LRMDA: variants seen among roughly 807,000 people sequenced by gnomAD.
The protein encoded by LRMDA is leucine rich melanocyte differentiation associated.
A neutral mutation model predicts 29.8 loss-of-function variants in LRMDA; 18 were observed. The ratio of observed to expected loss-of-function variants is 0.60; its 90% CI spans 0.42 to 0.90. The LOEUF (loss-of-function observed/expected upper bound fraction) is 0.90, where lower values mean the gene tolerates loss of function less well. Among genes scored for constraint, LRMDA ranks in the 40% least tolerant of loss-of-function variants. The pLI is 0.00. For synonymous variants in LRMDA, 125 were observed against 109.4 expected (o/e 1.14, Z -0.89); for missense variants, 273 against 273.9 (o/e 1.00, Z 0.02).
At chr10:76,008,319 A>G (rs1847710221) in intron 2 of LRMDA, among the ~76,000 whole-genome samples, 1 of 152,176 alleles carries the variant, frequency 6.6e-6, no homozygotes, top group African/African-American at 2.4e-5. Flanking sequence ...AAATAGCTTG[A>G]AATCATTGTT....
chr10:75,538,689 C>A (rs1189936045), intron 2 of LRMDA, among the ~76,000 whole-genome samples: 9 of 152,028 alleles, frequency 5.9e-5, no homozygotes, highest in African/African-American at 1.9e-4. Context: ...CCTTTGTTAA[C>A]TTGGGTCAGA....
chr10:75,864,244 A>G (rs1282778715), intron 2 of LRMDA, among the ~76,000 whole-genome samples: 1 of 152,232 alleles, frequency 6.6e-6, no homozygotes, highest in Non-Finnish European at 1.5e-5. Context: ...AATACCACCT[A>G]ACAAAGTTAT....
chr10:75,746,056 G>A lies in LRMDA; in HGVS notation c.132-289952G>A, dbSNP rs368168979. Among the ~76,000 whole-genome samples, 17 of 152,306 alleles carry A rather than the reference G, an allele frequency of 1.1e-4. No homozygotes were observed. The East Asian group carries it at 2.1e-3, about 19-fold the overall frequency. ...TATTTGTTTGGGAGGTTTCTGCACT[G>A]TGAAGTTACTGTGTTCAGCTTCTTT... On this transcript the variant is annotated intron_variant, in intron 2 of 6. Coordinates refer to ENST00000611255, the MANE Select transcript of LRMDA (RefSeq NM_001305581.2).
chr10:76,342,235 G>C (rs1841050733), intron 6 of LRMDA, among the ~76,000 whole-genome samples: 1 of 151,960 alleles, frequency 6.6e-6, no homozygotes, highest in Non-Finnish European at 1.5e-5. Context: ...TACATTTCAA[G>C]TCAGAGATAA....
chr10:76,120,617 A>T (rs1849768781), intron 5 of LRMDA, among the ~76,000 whole-genome samples: 1 of 152,148 alleles, frequency 6.6e-6, no homozygotes, highest in Admixed American at 6.5e-5. Context: ...AAATATTTAA[A>T]AATGGGATGA....
chr10:76,493,597 T>C (rs1304268099), intron 6 of LRMDA, among the ~76,000 whole-genome samples: 1 of 152,160 alleles, frequency 6.6e-6, no homozygotes, highest in Non-Finnish European at 1.5e-5. Context: ...CATTAACCTA[T>C]ATTTCTATCT....
chr10:75,565,831 T>C (rs1213978462), intron 2 of LRMDA, among the ~76,000 whole-genome samples: 3 of 152,184 alleles, frequency 2.0e-5, no homozygotes, highest in Non-Finnish European at 4.4e-5. Flanking sequence ...TGCCAGCACT[T>C]TGGGAGGCCA....
chr10:75,766,391 A>G (rs1291185999), intron 2 of LRMDA, among the ~76,000 whole-genome samples: 1 of 152,142 alleles, frequency 6.6e-6, no homozygotes, highest in East Asian at 1.9e-4. Context: ...AAAAAGCATT[A>G]GTTGAAGGAG....
At chr10:75,581,794 G>A (rs1840596240) in intron 2 of LRMDA, among the ~76,000 whole-genome samples, 1 of 152,034 alleles carries the variant, frequency 6.6e-6, no homozygotes, top group Non-Finnish European at 1.5e-5. Context: ...GGGGGTGGGG[G>A]GCTAGGGGAG....
intron 2 of LRMDA, among the ~76,000 whole-genome samples, chr10:75,497,021 G>A (rs1845052503): frequency 6.6e-6 from 1 of 151,400 alleles, no homozygotes; most frequent in African/African-American, 2.4e-5. Context: ...GGGATTTAGA[G>A]ATTGACAGAG....
chr10:76,267,551 T>C (rs1840021827), intron 5 of LRMDA, among the ~76,000 whole-genome samples: 1 of 152,210 alleles, frequency 6.6e-6, no homozygotes. Context: ...GTCTGCTTCA[T>C]GTAAGTGGAA....
intron 2 of LRMDA, among the ~76,000 whole-genome samples, chr10:75,579,303 A>G (rs1564805692): frequency 6.6e-6 from 1 of 152,234 alleles, no homozygotes; most frequent in Non-Finnish European, 1.5e-5. Context: ...CCTCTATGCA[A>G]ATAAACTAAA....
At chr10:76,482,030 T>G (rs905581643) in intron 6 of LRMDA, among the ~76,000 whole-genome samples, 1 of 151,948 alleles carries the variant, frequency 6.6e-6, no homozygotes, top group African/African-American at 2.4e-5. Flanking sequence ...ATTATCATTC[T>G]TGTGTCAACA....
At chr10:76,330,502 G>C (rs536573102) in intron 6 of LRMDA, among the ~76,000 whole-genome samples, 2 of 152,278 alleles carry the variant, frequency 1.3e-5, no homozygotes, top group African/African-American at 2.4e-5. Flanking sequence ...AGAAGAGAGA[G>C]TGTGAATTTT....
chr10:76,268,796 G>A (rs971722918), intron 5 of LRMDA, among the ~76,000 whole-genome samples: 2 of 152,086 alleles, frequency 1.3e-5, no homozygotes, highest in Non-Finnish European at 2.9e-5. Context: ...TAGGTTTGAC[G>A]TGTCAGTCAA....
At chr10:76,026,546 T>C (rs893429517) in intron 2 of LRMDA, among the ~76,000 whole-genome samples, 3 of 152,186 alleles carry the variant, frequency 2.0e-5, no homozygotes, top group African/African-American at 7.2e-5. Flanking sequence ...TTACTTTCTA[T>C]AAGAGGTCAG....
At chr10:76,146,884 G>A (rs959818689) in intron 5 of LRMDA, among the ~76,000 whole-genome samples, 66 of 152,142 alleles carry the variant, frequency 4.3e-4, no homozygotes, top group Non-Finnish European at 8.4e-4. Flanking sequence ...AGGCCTGCTG[G>A]TGACAAAATC....
At chr10:76,441,085 C>T (rs957777960) in intron 6 of LRMDA, among the ~76,000 whole-genome samples, 2 of 152,076 alleles carry the variant, frequency 1.3e-5, no homozygotes, top group African/African-American at 4.8e-5. Context: ...TCCATCAACA[C>T]CTTCTTCATT....
intron 2 of LRMDA, among the ~76,000 whole-genome samples, chr10:75,532,773 C>G (rs1029326785): frequency 1.3e-5 from 2 of 152,090 alleles, no homozygotes; most frequent in African/African-American, 4.8e-5. Flanking sequence ...CCTGACCCTA[C>G]CCTAGACCTG....
Sources: allele counts gnomAD v4.1 joint callset (sites outside exome capture counted in the v4.1 genomes callset), GRCh38; gene constraint gnomAD v4.1.1; transcripts MANE v1.5; gene names NCBI Gene and HGNC (gene_info 2026-07-23, HGNC 2026-07-21).